The following SPATA4 variants were observed in gnomAD, a reference collection of about 807,000 sequenced individuals.
SPATA4 encodes spermatogenesis-associated protein 4.
In SPATA4, 35 loss-of-function variants were observed where a neutral mutation model predicts 31.8. That is an observed-to-expected ratio of 1.10 (90% CI 0.84 to 1.46). The LOEUF (loss-of-function observed/expected upper bound fraction) is 1.46, where lower values mean the gene tolerates loss of function less well. Among genes scored for constraint, SPATA4 ranks in the 40% most tolerant of loss-of-function variants. The probability of loss-of-function intolerance (pLI) is 0.00; values close to 1 mark genes in which losing one functional copy is unlikely to be tolerated. For synonymous variants in SPATA4, 126 were observed against 132.4 expected (o/e 0.95, Z 0.33); for missense variants, 394 against 363.1 (o/e 1.09, Z -0.69).
At position 176,184,906 on chromosome 4, in the gene SPATA4, A is replaced by G; in HGVS notation, c.806-14T>C. ...TACCTATATTTGCTGGGACATTTAAATAAGCAAAATTAAAATCAATTCATG... is the reference window on the plus strand; with the variant it reads ...TACCTATATTTGCTGGGACATTTAAGTAAGCAAAATTAAAATCAATTCATG... On this transcript the variant is annotated splice_polypyrimidine_tract_variant and intron_variant, in intron 5 of 5. Coordinates refer to ENST00000280191, the MANE Select transcript of SPATA4 (RefSeq NM_144644.4). The G allele has an allele frequency of 1.1e-5, 17 of 1,489,464 alleles. No homozygotes were observed. The highest frequency in any genetic ancestry group is 1.6e-5 in the Non-Finnish European group (17 of 1,086,978). The allele number at this position is 1,489,464 out of a possible 1,614,324, so 92.3% of individuals were successfully genotyped here. A position where few individuals can be genotyped will look rare whatever the true frequency, so the allele number is the denominator to read the frequency against.
chr4:176,195,458 C>A lies in SPATA4; in HGVS notation c.105G>T (p.Arg35Ser), dbSNP rs1372863342. ...GCGGATAGACCAGACACTTCTTAGGCCTCCCTCGGATGGGAGCTGCTAGCT... is the reference window on the plus strand; with the variant it reads ...GCGGATAGACCAGACACTTCTTAGGACTCCCTCGGATGGGAGCTGCTAGCT... ...SPQLAAPIRG[R>S]PKKCLVYPHA... Residue 35 changes from arginine (R) to serine (S), a missense_variant, in exon 1 of 6, where the codon AGG (arginine) becomes AGT (serine). By Grantham distance (110) the Arg-to-Ser change is moderately radical. Transcript: ENST00000280191. 1 of 1,614,260 alleles carries A rather than the reference C, an allele frequency of 6.2e-7. No individual in the cohort carries two copies. Among genetic ancestry groups the A allele is most frequent in the South Asian group, 1.1e-5 (1 of 91,086 alleles).
Position 176,190,338 on chromosome 4 carries a change from G to A in SPATA4, c.689-2103C>T, listed in dbSNP as rs537431139. ...TTTCACTTTAATCAATTTAAATATA[G>A]GAGGATATATTTATAATCTCATTAT... On this transcript the variant is annotated intron_variant, in intron 4 of 5. Transcript: ENST00000280191. Among the ~76,000 whole-genome samples, 246 of 152,216 alleles carry A rather than the reference G, an allele frequency of 1.6e-3. 1 individual carries two copies. The highest frequency in any genetic ancestry group is 0.01 in the Middle Eastern group (3 of 294).
chr4:176,188,486 T>A (rs919444966), intron 4 of SPATA4, among the ~76,000 whole-genome samples: 1 of 152,160 alleles, frequency 6.6e-6, no homozygotes, highest in African/African-American at 2.4e-5. Flanking sequence ...TCAATTATAA[T>A]GTATATACAA....
Position 176,195,329 on chromosome 4 carries a change from T to G in SPATA4, c.218+16A>C, listed in dbSNP as rs1752599097. 6.2e-7 allele frequency: 1 copy of G among 1,613,578 alleles called. No homozygotes were observed. Among genetic ancestry groups the G allele is most frequent in the Non-Finnish European group, 8.5e-7 (1 of 1,179,694 alleles). On this transcript the variant is annotated intron_variant, in intron 1 of 5. Coordinates refer to ENST00000280191, the MANE Select transcript of SPATA4 (RefSeq NM_144644.4). Reference sequence around the variant, plus strand: ...GGCGCCCACCGGGGGGGCCTAGGACTGGCTTACTCAAGCACCTGTTGATGT... The same window carrying G: ...GGCGCCCACCGGGGGGGCCTAGGACGGGCTTACTCAAGCACCTGTTGATGT...
In SPATA4 at chr4:176,188,223, A is replaced by C; in HGVS notation, c.701T>G (p.Val234Gly). 6.2e-7 allele frequency: 1 copy of C among 1,604,686 alleles called. No homozygotes were observed. The highest frequency in any genetic ancestry group is 8.5e-7 in the Non-Finnish European group (1 of 1,176,016). The change falls in exon 5 of 6, where the codon GTG becomes GGG. Residue 234 changes from valine to glycine, a missense_variant. By Grantham distance (109) the Val-to-Gly change is moderately radical. Coordinates refer to ENST00000280191, the MANE Select transcript of SPATA4 (RefSeq NM_144644.4). ...AGTAACTTCTCCCACTGTTGGTTTC[A>C]CATCAAACCATTCTATAAAATATGA... ...GRKLNPEWFD[V>G]KPTVGEVTLN...
rs1752549381 is a variant in SPATA4, at chr4:176,192,644, C to T, written c.671G>A (p.Gly224Asp). ...ILLHMLQRKL[G>D]RKLNPEWFDV... ...AAACTTACCTGGATTCAATTTTCTGCCTAATTTTCTTTGCAACATATGTAA... is the reference window on the plus strand; with the variant it reads ...AAACTTACCTGGATTCAATTTTCTGTCTAATTTTCTTTGCAACATATGTAA... The change falls in exon 4 of 6, where the codon GGC (glycine) becomes GAC (aspartate). Residue 224 changes from glycine (G) to aspartate (D), a missense_variant. Gly to Asp is a moderately conservative substitution (Grantham distance 94). Coordinates refer to ENST00000280191, the MANE Select transcript of SPATA4 (RefSeq NM_144644.4). 6.2e-7 allele frequency: 1 copy of T among 1,613,822 alleles called. No individual in the cohort carries two copies. The highest frequency in any genetic ancestry group is 1.3e-5 in the African/African-American group (1 of 74,910).
chr4:176,188,091 T>C, intron 5 of SPATA4, 28 bp downstream of exon 5: 4 of 1,516,202 alleles, frequency 2.6e-6, no homozygotes, highest in Non-Finnish European at 3.6e-6. Context: ...AAAAAATCAA[T>C]TTTAAGAAGC....
At chr4:176,192,927 TTG>T in intron 3 of SPATA4, 29 bp downstream of exon 3, 1 of 1,581,184 alleles carries the variant, frequency 6.3e-7, no homozygotes, top group Non-Finnish European at 8.6e-7. Context: ...TCACATTAAA[TTG>T]TGTTACTAGG....
chr4:176,189,917 T>C lies in SPATA4; in HGVS notation c.689-1682A>G, dbSNP rs1362899552. On this transcript the variant is annotated intron_variant, in intron 4 of 5. Transcript: ENST00000280191. ...GACCCCTGTCTCAAGAGCTGAGCTC[T>C]CTGAGTGAGCAATTCCTGTCCCTTT... 4.6e-5 allele frequency among the ~76,000 whole-genome samples: 7 copies of C among 152,194 alleles called. No homozygotes were observed. The East Asian group carries it at 1.3e-3, about 29-fold the overall frequency.
rs753348197 is a variant in SPATA4 at position 176,184,738 on chromosome 4, G to A, written c.*42C>T. 8.4e-7 allele frequency: 1 copy of A among 1,189,266 alleles called. No individual in the cohort carries two copies. 73.7% of individuals were successfully genotyped at this position (1,189,266 alleles called of 1,614,324 possible). On this transcript the variant is annotated 3_prime_UTR_variant, in exon 6 of 6. Transcript: ENST00000280191. ...ATTCTGTTTCTTTATTATGGCTAGA[G>A]ATGGTGGCATCACTTCTTCAAAGCC...
Position 176,192,817 on chromosome 4 carries a change from A to G in SPATA4, c.498T>C (p.Asn166=). The stretch of plus-strand genomic sequence containing the variant: ...GCATCTGGTAGCTATAGTCCGTGAA[A>G]TTCACAAAGTCATCCTGGATACTTT... The part of the protein sequence containing the change: ...EIKSIQDDFV[N]FTDYSYQMRL... The change falls in exon 4 of 6, where the codon AAT becomes AAC. Residue 166 remains asparagine, a synonymous_variant. Coordinates refer to ENST00000280191, the MANE Select transcript of SPATA4 (RefSeq NM_144644.4). The G allele has an allele frequency of 6.2e-7, 1 of 1,614,066 alleles. No homozygotes were observed. Among genetic ancestry groups the G allele is most frequent in the Non-Finnish European group, 8.5e-7 (1 of 1,179,966 alleles).
chr4:176,187,056 A>C (rs140948312), intron 5 of SPATA4, among the ~76,000 whole-genome samples: 1,887 of 152,236 alleles, frequency 0.012, 16 homozygotes, highest in Non-Finnish European at 0.021. Flanking sequence ...ATTTCAGATA[A>C]ATAATGAATA....
Position 176,188,215 on chromosome 4 carries a change from T to C in SPATA4, c.709A>G (p.Thr237Ala), listed in dbSNP as rs752405836. 1 of 1,611,106 alleles carries C rather than the reference T, an allele frequency of 6.2e-7. No individual in the cohort carries two copies. Among genetic ancestry groups the C allele is most frequent in the Non-Finnish European group, 8.5e-7 (1 of 1,178,964 alleles). The stretch of plus-strand genomic sequence containing the variant: ...TGATTGAGAGTAACTTCTCCCACTG[T>C]TGGTTTCACATCAAACCATTCTATA... ...LNPEWFDVKP[T>A]VGEVTLNHLP... is the part of the protein sequence containing the mutation. Residue 237 changes from threonine to alanine, a missense_variant, in exon 5 of 6, where the codon ACA (threonine) becomes GCA (alanine). Physicochemically the swap from Thr to Ala is moderately conservative, Grantham distance 58. Coordinates refer to ENST00000280191, the MANE Select transcript of SPATA4 (RefSeq NM_144644.4).
In SPATA4 at chr4:176,192,970, A is replaced by C; in HGVS notation, c.455T>G (p.Leu152Ter). ...ACAAAGAACTTACTCTCGATGTGTTAATAAAGTGTAAACCTCTTCTATCAA... is the reference window on the plus strand; with the variant it reads ...ACAAAGAACTTACTCTCGATGTGTTCATAAAGTGTAAACCTCTTCTATCAA... ...EILIEEVYTL[L>*]THREIKSIQD... is the part of the protein sequence containing the mutation. Residue 152 changes from leucine to a stop codon, truncating the protein, a stop_gained, in exon 3 of 6, where the codon TTA (leucine) becomes TGA (stop). Coordinates refer to ENST00000280191, the MANE Select transcript of SPATA4 (RefSeq NM_144644.4). LOFTEE classifies it high-confidence loss of function. The C allele has an allele frequency of 6.2e-7, 1 of 1,603,804 alleles. No homozygotes were observed. The highest frequency in any genetic ancestry group is 8.5e-7 in the Non-Finnish European group (1 of 1,175,394).
At chr4:176,195,269 A>C in intron 1 of SPATA4, 76 bp downstream of exon 1, 1 of 1,464,486 alleles carries the variant, frequency 6.8e-7, no homozygotes. Flanking sequence ...CAGGGTAGGC[A>C]ATCTGAGGCC....
At position 176,195,435 on chromosome 4, in the gene SPATA4, G is replaced by A; in HGVS notation, c.128C>T (p.Pro43Leu). ...CAAGCGGGAGCTCTTCGGCGCATGCGGATAGACCAGACACTTCTTAGGCCT... is the reference window on the plus strand; with the variant it reads ...CAAGCGGGAGCTCTTCGGCGCATGCAGATAGACCAGACACTTCTTAGGCCT... ...RGRPKKCLVYPHAPKSSRLSR... is the reference protein window; with the variant it reads ...RGRPKKCLVYLHAPKSSRLSR... Residue 43 changes from proline (P) to leucine (L), a missense_variant, in exon 1 of 6, where the codon CCG (proline) becomes CTG (leucine). Transcript: ENST00000280191. 6.2e-7 allele frequency: 1 copy of A among 1,614,240 alleles called. No homozygotes were observed. The highest frequency in any genetic ancestry group is 8.5e-7 in the Non-Finnish European group (1 of 1,180,048).
intron 2 of SPATA4, 30 bp downstream of exon 2, chr4:176,193,423 A>G (rs777429579): frequency 8.7e-6 from 14 of 1,605,846 alleles, no homozygotes; most frequent in African/African-American, 2.7e-5. Context: ...ACATCTTAAC[A>G]GTTAAAAGTG....
intron 4 of SPATA4, among the ~76,000 whole-genome samples, chr4:176,189,280 G>A (rs1752491183): frequency 6.6e-6 from 1 of 152,074 alleles, no homozygotes; most frequent in African/African-American, 2.4e-5. Context: ...GCAGTTTCAG[G>A]AAGAGAGTAA....
chr4:176,188,564 T>C (rs4342148), intron 4 of SPATA4, among the ~76,000 whole-genome samples: 36,787 of 152,102 alleles, frequency 0.24, 4,766 homozygotes, highest in South Asian at 0.33. Context: ...TAGGGTACCA[T>C]CATCCAGATC....
Sources: gnomAD v4.1 joint callset for allele counts (sites outside exome capture counted in the v4.1 genomes callset) on GRCh38, gnomAD v4.1.1 for gene constraint, MANE v1.5 for transcripts, NCBI Gene and HGNC (gene_info 2026-07-23, HGNC 2026-07-21) for gene names.